HINT3: variants seen among roughly 807,000 people sequenced by gnomAD.
HINT3 encodes the protein adenosine 5'-monophosphoramidase HINT3.
In HINT3, 16 loss-of-function variants were observed where a neutral mutation model predicts 19.1. The ratio of observed to expected loss-of-function variants is 0.84; its 90% CI spans 0.57 to 1.27. The LOEUF (loss-of-function observed/expected upper bound fraction) is 1.27, where lower values mean the gene tolerates loss of function less well. Ranked by LOEUF, HINT3 falls within the 50% of genes most tolerant of loss-of-function variation. HINT3 has a pLI of 0.00. For missense variants in HINT3, 197 were observed against 225.8 expected (o/e 0.87, Z 0.82); for synonymous variants, 75 against 84.8 (o/e 0.88, Z 0.63).
rs772712375 is a variant in HINT3 at position 125,957,139 on chromosome 6, G to C, written c.162G>C (p.Ala54=). The C allele has an allele frequency of 5.2e-6, 8 of 1,550,074 alleles. No homozygotes were observed. The highest frequency in any genetic ancestry group is 2.4e-5 in the South Asian group (2 of 84,058). The change falls in exon 1 of 5, where the codon GCG becomes GCC. Residue 54 remains alanine, a synonymous_variant. Coordinates refer to ENST00000229633, the MANE Select transcript of HINT3 (RefSeq NM_138571.5). ...GCACCTGCGTGTTCTGCCGGATCGC[G>C]GGGCGGCAGGACCCGGGCACCGAAC... ...YDSTCVFCRI[A]GRQDPGTELL... is the part of the protein sequence containing the mutation.
At position 125,962,159 on chromosome 6, in the gene HINT3, TAC is replaced by T. The variant is rs574020655; in HGVS notation, c.202-4724_202-4723del. On this transcript the variant is annotated intron_variant, in intron 1 of 4. Coordinates refer to ENST00000229633, the MANE Select transcript of HINT3 (RefSeq NM_138571.5). Reference sequence around the variant, plus strand: ...TCGTGGATGGAAACCCATATATATATACACATATATATATATATATATATATA... The same window carrying T: ...TCGTGGATGGAAACCCATATATATATACATATATATATATATATATATATA... 7.8e-3 allele frequency among the ~76,000 whole-genome samples: 422 copies of T among 54,232 alleles called. 74 individuals carry two copies. Among genetic ancestry groups the T allele is most frequent in the Middle Eastern group, 0.027 (3 of 112 alleles). The allele number at this position is 54,232 out of a possible 152,430, so 35.6% of individuals were successfully genotyped here.
At chr6:125,965,130 A>T (rs1240040427) in intron 1 of HINT3, among the ~76,000 whole-genome samples, 1 of 152,232 alleles carries the variant, frequency 6.6e-6, no homozygotes, top group Non-Finnish European at 1.5e-5. Flanking sequence ...AGGTTGGAAG[A>T]CAAAACTAAG....
At chr6:125,966,671 G>A (rs1789021658) in intron 1 of HINT3, among the ~76,000 whole-genome samples, 1 of 152,076 alleles carries the variant, frequency 6.6e-6, no homozygotes, top group African/African-American at 2.4e-5. Flanking sequence ...CCCCAAAATT[G>A]ATTTTATGTG....
intron 2 of HINT3, among the ~76,000 whole-genome samples, chr6:125,970,413 G>A (rs1789081253): frequency 6.6e-6 from 1 of 151,964 alleles, no homozygotes; most frequent in South Asian, 2.1e-4. Context: ...AGCTTTTTAG[G>A]AATTTTTCAA....
intron 2 of HINT3, among the ~76,000 whole-genome samples, chr6:125,970,798 T>C (rs1353892918): frequency 6.6e-6 from 1 of 152,168 alleles, no homozygotes; most frequent in Non-Finnish European, 1.5e-5. Flanking sequence ...ATCAAATGAT[T>C]GAAATCTTAT....
intron 2 of HINT3, among the ~76,000 whole-genome samples, chr6:125,969,602 A>T (rs1789070291): frequency 6.6e-6 from 1 of 152,060 alleles, no homozygotes. Context: ...AACAATATTG[A>T]TTCTTCCAGT....
At chr6:125,976,883 A>C (rs1012133997) in intron 4 of HINT3, among the ~76,000 whole-genome samples, 2 of 152,186 alleles carry the variant, frequency 1.3e-5, no homozygotes, top group African/African-American at 4.8e-5. Flanking sequence ...CACAGACTTT[A>C]GTTTACCTTT....
At position 125,972,701 on chromosome 6, in the gene HINT3, C is replaced by T. The variant is rs576206396; in HGVS notation, c.389+373C>T. 3.9e-5 allele frequency among the ~76,000 whole-genome samples: 6 copies of T among 152,118 alleles called. No individual in the cohort carries two copies. The South Asian group carries it at 1.0e-3, about 26-fold the overall frequency. On this transcript the variant is annotated intron_variant, in intron 3 of 4. Transcript: ENST00000229633. ...ACCTCCCAGACTGAGTATCCTTCTA[C>T]CTCAGCCTCCAGAGTAGCTGGGACC...
intron 2 of HINT3, among the ~76,000 whole-genome samples, chr6:125,970,138 T>C: frequency 6.6e-6 from 1 of 152,188 alleles, no homozygotes; most frequent in Non-Finnish European, 1.5e-5. Flanking sequence ...AAAACCTTGA[T>C]GTGTAGTTCA....
At position 125,960,656 on chromosome 6, in the gene HINT3, G is replaced by GGGGGC. The variant is rs1004354195; in HGVS notation, c.201+3482_201+3483insCGGGG. 3.5e-4 allele frequency among the ~76,000 whole-genome samples: 24 copies of GGGGGC among 69,424 alleles called. 3 individuals carry two copies. The highest frequency in any genetic ancestry group is 2.2e-3 in the East Asian group (2 of 906). The allele number at this position is 69,424 out of a possible 152,430, so 45.5% of individuals were successfully genotyped here. On this transcript the variant is annotated intron_variant, in intron 1 of 4. Transcript: ENST00000229633. The stretch of plus-strand genomic sequence containing the variant: ...TGGGTGACAGAGCAAGACTCTCTCT[G>GGGGGC]GGGGGGGGGAAAAAAAAAGAAGTTA...
chr6:125,975,205 A>G (rs764976792), intron 4 of HINT3, among the ~76,000 whole-genome samples: 3 of 152,210 alleles, frequency 2.0e-5, no homozygotes, highest in Non-Finnish European at 4.4e-5. Context: ...AGTAGCAGAT[A>G]CGATATAGAA....
Position 125,962,213 on chromosome 6 carries a change from C to CATATATATATATATATATACACAT in HINT3, c.202-4655_202-4654insCACATATATATATATATATATATA, listed in dbSNP as rs1788942422. Among the ~76,000 whole-genome samples the CATATATATATATATATATACACAT allele has an allele frequency of 1.1e-4, 4 of 36,294 alleles. 1 individual carries two copies. The highest frequency in any genetic ancestry group is 1.0e-3 in the South Asian group (1 of 1,004). The allele number at this position is 36,294 out of a possible 152,430, so 23.8% of individuals were successfully genotyped here. On this transcript the variant is annotated intron_variant, in intron 1 of 4. Transcript: ENST00000229633. Reference sequence around the variant, plus strand: ...ACATATATATATATATATATATACACATATATATATATATATATATACACA... The same window carrying CATATATATATATATATATACACAT: ...ACATATATATATATATATATATACACATATATATATATATATATACACATATATATATATATATATATATACACA...
At chr6:125,971,109 G>A (rs549937965) in intron 2 of HINT3, among the ~76,000 whole-genome samples, 1 of 152,302 alleles carries the variant, frequency 6.6e-6, no homozygotes, top group South Asian at 2.1e-4. Flanking sequence ...GTGCTTTGAA[G>A]ATCCCAGGTG....
chr6:125,957,016 C>G lies in HINT3; in HGVS notation c.39C>G (p.Ala13=), dbSNP rs915790306. 5.2e-6 allele frequency: 8 copies of G among 1,550,512 alleles called. No homozygotes were observed. The highest frequency in any genetic ancestry group is 2.7e-5 in the African/African-American group (2 of 73,048). ...AGGTGAACCGCAGCGCCGGCCTGGC[C>G]CCCGACTGTGAGGCCTCGGCGACTG... ...EEQVNRSAGL[A]PDCEASATAE... is the part of the protein sequence containing the mutation. Residue 13 remains alanine (A), a synonymous_variant, in exon 1 of 5, where the codon GCC becomes GCG. Transcript: ENST00000229633.
At chr6:125,962,223 T>C (rs1788943768) in intron 1 of HINT3, among the ~76,000 whole-genome samples, 8 of 41,188 alleles carry the variant, frequency 1.9e-4, no homozygotes, top group Admixed American at 6.4e-4. Flanking sequence ...CATATATATA[T>C]ATATATATAT....
At chr6:125,976,306 G>A (rs183572984) in intron 4 of HINT3, among the ~76,000 whole-genome samples, 1 of 152,178 alleles carries the variant, frequency 6.6e-6, no homozygotes, top group African/African-American at 2.4e-5. Context: ...AGCTACTTGG[G>A]AGGCTGAGAT....
At chr6:125,962,039 A>G (rs1788932876) in intron 1 of HINT3, among the ~76,000 whole-genome samples, 1 of 151,250 alleles carries the variant, frequency 6.6e-6, no homozygotes, top group African/African-American at 2.4e-5. Flanking sequence ...ATTGTGAGAG[A>G]GATTCTTTTT....
rs1789199806 is a variant in HINT3 at position 125,977,848 on chromosome 6, T to C, written c.*172T>C. ...TTTCCTAAGATCTGTGATACAGTTA[T>C]GTGAATATTTTGTTACTGACTTGTT... is the stretch of plus-strand genomic sequence containing the variant. On this transcript the variant is annotated 3_prime_UTR_variant, in exon 5 of 5. Coordinates refer to ENST00000229633, the MANE Select transcript of HINT3 (RefSeq NM_138571.5). 2.3e-6 allele frequency: 1 copy of C among 427,996 alleles called. No homozygotes were observed. The highest frequency in any genetic ancestry group is 3.5e-5 in the East Asian group (1 of 28,532). The allele number at this position is 427,996 out of a possible 1,614,324, so 26.5% of individuals were successfully genotyped here.
chr6:125,974,473 A>G (rs947357716), intron 3 of HINT3, among the ~76,000 whole-genome samples: 3 of 152,222 alleles, frequency 2.0e-5, no homozygotes, highest in East Asian at 3.8e-4. Context: ...GAACACGACT[A>G]CTTGAGTGTC....
Sources: gnomAD v4.1 joint callset for allele counts (sites outside exome capture counted in the v4.1 genomes callset) on GRCh38, gnomAD v4.1.1 for gene constraint, MANE v1.5 for transcripts, NCBI Gene and HGNC (gene_info 2026-07-23, HGNC 2026-07-21) for gene names.